ATG10: variants seen among roughly 807,000 people sequenced by gnomAD.
ATG10 encodes autophagy related 10, also known as ubiquitin-like-conjugating enzyme ATG10.
In ATG10, 30 loss-of-function variants were observed where a neutral mutation model predicts 32.1. That is an observed-to-expected ratio of 0.94 (90% CI 0.70 to 1.27). The LOEUF (loss-of-function observed/expected upper bound fraction) is 1.27, where lower values mean the gene tolerates loss of function less well. Ranked by LOEUF, ATG10 falls within the 50% of genes most tolerant of loss-of-function variation. ATG10 has a pLI of 0.00. For missense variants in ATG10, 233 were observed against 262.3 expected (o/e 0.89, Z 0.77); for synonymous variants, 87 against 91.5 (o/e 0.95, Z 0.28).
At chr5:82,098,782 G>A (rs889205191) in intron 3 of ATG10, among the ~76,000 whole-genome samples, 7 of 152,186 alleles carry the variant, frequency 4.6e-5, no homozygotes, top group South Asian at 2.1e-4. Flanking sequence ...AACAATGTGA[G>A]TTCACAAGTG....
chr5:82,236,171 A>G (rs1746544202), intron 5 of ATG10, among the ~76,000 whole-genome samples: 1 of 151,956 alleles, frequency 6.6e-6, no homozygotes, highest in South Asian at 2.1e-4. Flanking sequence ...TCTTATCATC[A>G]TGCCTGACCT....
chr5:82,110,951 C>T (rs57621982), intron 3 of ATG10, among the ~76,000 whole-genome samples: 28,998 of 151,784 alleles, frequency 0.19, 3,146 homozygotes, highest in Middle Eastern at 0.28. Flanking sequence ...TTACTACACA[C>T]AATAGTAGAT....
chr5:82,088,234 T>G (rs1474708956), intron 3 of ATG10, among the ~76,000 whole-genome samples: 2 of 152,182 alleles, frequency 1.3e-5, no homozygotes, highest in African/African-American at 4.8e-5. Flanking sequence ...CAGTTTCTAT[T>G]GCTTATAGAC....
At position 82,159,281 on chromosome 5, in the gene ATG10, G is replaced by A. The variant is rs527763899; in HGVS notation, c.217-5118G>A. 5.9e-5 allele frequency among the ~76,000 whole-genome samples: 9 copies of A among 152,190 alleles called. No individual in the cohort carries two copies. The South Asian group carries it at 1.0e-3, about 18-fold the overall frequency. ...ATTTCATCACACTACTCTGAATGGCGCACAATTTAAAATTTATTAGTTTTT... is the reference window on the plus strand; with the variant it reads ...ATTTCATCACACTACTCTGAATGGCACACAATTTAAAATTTATTAGTTTTT... On this transcript the variant is annotated intron_variant, in intron 3 of 7. Transcript: ENST00000282185.
intron 3 of ATG10, among the ~76,000 whole-genome samples, chr5:82,104,388 T>A (rs1765381451): frequency 6.6e-6 from 1 of 152,136 alleles, no homozygotes; most frequent in Non-Finnish European, 1.5e-5. Context: ...TTTCTCATCT[T>A]CTCTCTTGAA....
chr5:82,184,106 G>A (rs1305646036), intron 5 of ATG10, among the ~76,000 whole-genome samples: 4 of 152,108 alleles, frequency 2.6e-5, no homozygotes, highest in Non-Finnish European at 2.9e-5. Context: ...TTTGGGAAAT[G>A]GTAGTGCCTT....
At chr5:82,007,937 A>T (rs1762028752) in intron 2 of ATG10, among the ~76,000 whole-genome samples, 1 of 152,208 alleles carries the variant, frequency 6.6e-6, no homozygotes, top group African/African-American at 2.4e-5. Context: ...GCTTATATAG[A>T]TTCTTTCCTA....
chr5:82,024,271 G>A (rs559814636), intron 2 of ATG10, among the ~76,000 whole-genome samples: 1 of 146,670 alleles, frequency 6.8e-6, no homozygotes, highest in South Asian at 2.4e-4. Flanking sequence ...GAGATGGATT[G>A]TTCGACTCTC....
intron 3 of ATG10, among the ~76,000 whole-genome samples, chr5:82,105,155 A>G (rs1765406449): frequency 6.6e-6 from 1 of 152,150 alleles, no homozygotes; most frequent in Non-Finnish European, 1.5e-5. Context: ...TTAATAGGGT[A>G]AATTGATTAC....
At chr5:82,019,598 G>C (rs573039396) in intron 2 of ATG10, among the ~76,000 whole-genome samples, 1 of 152,114 alleles carries the variant, frequency 6.6e-6, no homozygotes, top group East Asian at 1.9e-4. Context: ...AATGAGTTTC[G>C]GCAAAGGGGG....
chr5:82,174,230 C>G (rs1743921788), intron 4 of ATG10, among the ~76,000 whole-genome samples: 1 of 152,110 alleles, frequency 6.6e-6, no homozygotes, highest in African/African-American at 2.4e-5. Flanking sequence ...ACTAGGCAAA[C>G]CAGTGACGAA....
rs200559133 is a variant in ATG10, at chr5:82,031,978, CT to C, written c.109-26516del. ...CTGCTGCTTGGAATGCTCTCTTTGC[CT>C]ACGCTGGCAGGGCTGGGCCTGCCCA... is the stretch of plus-strand genomic sequence containing the variant. On this transcript the variant is annotated intron_variant, in intron 2 of 7. Coordinates refer to ENST00000282185, the MANE Select transcript of ATG10 (RefSeq NM_031482.5). Among the ~76,000 whole-genome samples the C allele has an allele frequency of 1.1e-4, 16 of 152,346 alleles. No individual in the cohort carries two copies. The East Asian group carries it at 2.7e-3, about 26-fold the overall frequency.
At chr5:82,007,001 G>A (rs890238493) in intron 2 of ATG10, among the ~76,000 whole-genome samples, 8 of 151,888 alleles carry the variant, frequency 5.3e-5, no homozygotes, top group South Asian at 2.1e-4. Context: ...CTACAGGTGC[G>A]TGCCACCATG....
intron 2 of ATG10, among the ~76,000 whole-genome samples, chr5:82,025,212 A>T (rs997456187): frequency 6.6e-6 from 1 of 152,240 alleles, no homozygotes; most frequent in African/African-American, 2.4e-5. Flanking sequence ...ACAAGCAATC[A>T]TAATATAAAG....
chr5:82,109,150 T>C (rs1298329593), intron 3 of ATG10, among the ~76,000 whole-genome samples: 1 of 152,038 alleles, frequency 6.6e-6, no homozygotes, highest in East Asian at 1.9e-4. Flanking sequence ...CTGCACAAAC[T>C]CTGACAGAGA....
chr5:82,241,155 T>C (rs1746780841), intron 5 of ATG10, among the ~76,000 whole-genome samples: 2 of 152,208 alleles, frequency 1.3e-5, no homozygotes, highest in South Asian at 4.1e-4. Context: ...CACCTTAGTG[T>C]CATCCTTGGC....
At chr5:82,236,220 C>A (rs1351444453) in intron 5 of ATG10, among the ~76,000 whole-genome samples, 1 of 152,050 alleles carries the variant, frequency 6.6e-6, no homozygotes, top group Non-Finnish European at 1.5e-5. Context: ...TAGACATTTA[C>A]ATAAGCTCCT....
intron 5 of ATG10, among the ~76,000 whole-genome samples, chr5:82,218,042 G>A (rs1308853106): frequency 9.5e-6 from 1 of 104,816 alleles, no homozygotes. Flanking sequence ...ACAGAACACT[G>A]TTCTCTCTTT....
intron 2 of ATG10, among the ~76,000 whole-genome samples, chr5:82,045,780 C>T (rs2149733504): frequency 6.6e-6 from 1 of 152,148 alleles, no homozygotes; most frequent in South Asian, 2.1e-4. Context: ...TCCCTCTTTC[C>T]TTCCTTGTCT....
Sources: allele counts gnomAD v4.1 joint callset (sites outside exome capture counted in the v4.1 genomes callset), GRCh38; gene constraint gnomAD v4.1.1; transcripts MANE v1.5; gene names NCBI Gene and HGNC (gene_info 2026-07-23, HGNC 2026-07-21).